The following ASTN2 variants were observed in gnomAD, a reference collection of about 807,000 sequenced individuals.
ASTN2 encodes the protein astrotactin-2.
A neutral mutation model predicts 139.8 loss-of-function variants in ASTN2; 54 were observed. That is an observed-to-expected ratio of 0.39 (90% confidence interval 0.31 to 0.48). ASTN2 has a LOEUF of 0.48. Among genes scored for constraint, ASTN2 ranks in the 20% least tolerant of loss-of-function variants. The pLI, the probability that ASTN2 is intolerant of heterozygous loss-of-function variation, is 0.95. For synonymous variants in ASTN2, 756 were observed against 719.5 expected (o/e 1.05, Z -0.81); for missense variants, 1,565 against 1,725.1 (o/e 0.91, Z 1.64).
At chr9:116,650,115 A>G (rs906443507) in intron 17 of ASTN2, among the ~76,000 whole-genome samples, 5 of 152,114 alleles carry the variant, frequency 3.3e-5, no homozygotes, top group Non-Finnish European at 7.3e-5. Flanking sequence ...ATAGAGTTCT[A>G]CTAGACTTAG....
chr9:116,961,628 T>C (rs531220687), intron 10 of ASTN2, among the ~76,000 whole-genome samples: 1 of 152,318 alleles, frequency 6.6e-6, no homozygotes, highest in East Asian at 1.9e-4. Flanking sequence ...TGTTTAGCTA[T>C]TGTGAAAAAC....
chr9:116,806,198 C>A (rs1243867977), intron 12 of ASTN2, among the ~76,000 whole-genome samples: 1 of 152,158 alleles, frequency 6.6e-6, no homozygotes, highest in East Asian at 1.9e-4. Flanking sequence ...ATCTGTCAAC[C>A]AAGGTTGAAG....
intron 11 of ASTN2, among the ~76,000 whole-genome samples, chr9:116,840,364 C>G: frequency 6.6e-6 from 1 of 151,352 alleles, no homozygotes; most frequent in Admixed American, 6.6e-5. Flanking sequence ...CGATTGTCAT[C>G]CTGGCCTGTT....
intron 1 of ASTN2, among the ~76,000 whole-genome samples, chr9:117,335,372 G>C (rs1828851163): frequency 6.6e-6 from 1 of 152,132 alleles, no homozygotes; most frequent in African/African-American, 2.4e-5. Context: ...TCCTATGTTT[G>C]GCAAGTACTA....
intron 1 of ASTN2, among the ~76,000 whole-genome samples, chr9:117,302,900 G>A (rs952314757): frequency 2.0e-5 from 3 of 152,136 alleles, no homozygotes; most frequent in Non-Finnish European, 4.4e-5. Context: ...CATTGCTTAT[G>A]GGAATCATAT....
At chr9:116,438,185 T>G (rs1005298917) in intron 22 of ASTN2, among the ~76,000 whole-genome samples, 3 of 152,246 alleles carry the variant, frequency 2.0e-5, no homozygotes, top group African/African-American at 7.2e-5. Flanking sequence ...TAGAATGCTA[T>G]GCTGTCTTCC....
intron 10 of ASTN2, among the ~76,000 whole-genome samples, chr9:116,883,636 G>A (rs564129038): frequency 2.0e-5 from 3 of 152,046 alleles, no homozygotes; most frequent in South Asian, 2.1e-4. Context: ...CTACCCCCTC[G>A]GCCTTCCTAA....
chr9:116,448,437 T>C (rs1222217550), intron 20 of ASTN2, among the ~76,000 whole-genome samples: 3 of 152,314 alleles, frequency 2.0e-5, no homozygotes, highest in African/African-American at 2.4e-5. Flanking sequence ...TCCCATCTCC[T>C]GCAGTGAGGG....
chr9:117,116,834 CAAAAAAAAAAAAAAAAAA>C (rs72075422), intron 4 of ASTN2, among the ~76,000 whole-genome samples: 6 of 45,180 alleles, frequency 1.3e-4, no homozygotes, highest in African/African-American at 3.1e-4. Context: ...TGGCATGAGC[CAAAAAAAAAAAAAAAAAA>C]AAAAAAAAAA....
chr9:116,496,994 C>T (rs1310364596), intron 19 of ASTN2, among the ~76,000 whole-genome samples: 1 of 152,178 alleles, frequency 6.6e-6, no homozygotes, highest in Non-Finnish European at 1.5e-5. Context: ...GTTGGGGACA[C>T]AGCCAAACCA....
intron 7 of ASTN2, among the ~76,000 whole-genome samples, chr9:116,994,725 A>G (rs1279184852): frequency 6.6e-6 from 1 of 152,168 alleles, no homozygotes; most frequent in Non-Finnish European, 1.5e-5. Context: ...TTCTATCACA[A>G]TAATTCTCTT....
chr9:116,751,190 T>A (rs1308033583), intron 13 of ASTN2, among the ~76,000 whole-genome samples: 1 of 152,228 alleles, frequency 6.6e-6, no homozygotes, highest in Non-Finnish European at 1.5e-5. Context: ...TACCTACTTT[T>A]ATAAATTCAA....
chr9:116,502,576 G>C (rs1420794881), intron 19 of ASTN2, among the ~76,000 whole-genome samples: 1 of 151,350 alleles, frequency 6.6e-6, no homozygotes, highest in Non-Finnish European at 1.5e-5. Flanking sequence ...TAGAAATAGA[G>C]AGACATAGAC....
intron 16 of ASTN2, among the ~76,000 whole-genome samples, chr9:116,723,833 C>T (rs186405620): frequency 2.8e-4 from 43 of 152,206 alleles, no homozygotes; most frequent in East Asian, 1.4e-3. Flanking sequence ...CAAGTATGGA[C>T]GATGGAAGCA....
intron 2 of ASTN2, among the ~76,000 whole-genome samples, chr9:117,263,282 C>G (rs1833867702): frequency 6.6e-6 from 1 of 151,998 alleles, no homozygotes; most frequent in African/African-American, 2.4e-5. Context: ...CAGAGGAAAC[C>G]AGAGTGAAGT....
chr9:116,962,919 A>G (rs551021596), intron 10 of ASTN2, among the ~76,000 whole-genome samples: 13 of 152,192 alleles, frequency 8.5e-5, no homozygotes, highest in Non-Finnish European at 1.6e-4. Context: ...ATCTTCGTGA[A>G]CATACAAGCA....
intron 19 of ASTN2, among the ~76,000 whole-genome samples, chr9:116,587,496 T>G (rs995289360): frequency 4.6e-5 from 7 of 152,078 alleles, no homozygotes; most frequent in African/African-American, 1.7e-4. Flanking sequence ...CTGCTGGTAG[T>G]GAGCCATGTG....
intron 3 of ASTN2, among the ~76,000 whole-genome samples, chr9:117,187,924 G>A (rs1280885107): frequency 6.6e-6 from 1 of 152,118 alleles, no homozygotes; most frequent in African/African-American, 2.4e-5. Context: ...CCACGTTCTT[G>A]TGAAACTGGA....
intron 2 of ASTN2, among the ~76,000 whole-genome samples, chr9:117,280,267 A>G (rs914973061): frequency 4.6e-5 from 7 of 152,182 alleles, no homozygotes; most frequent in South Asian, 2.1e-4. Flanking sequence ...AATGTGTCTG[A>G]TGAGTGAGGA....
Sources: gnomAD v4.1 joint callset for allele counts (sites outside exome capture counted in the v4.1 genomes callset) on GRCh38, gnomAD v4.1.1 for gene constraint, MANE v1.5 for transcripts, NCBI Gene and HGNC (gene_info 2026-07-23, HGNC 2026-07-21) for gene names.